The following ADAM22 variants were observed in gnomAD, a reference collection of about 807,000 sequenced individuals.
The protein encoded by ADAM22 is ADAM metallopeptidase domain 22.
Under a neutral mutation model 144.6 loss-of-function variants are expected in ADAM22, and 65 were observed. The observed-to-expected ratio is 0.45, with a 90% CI of 0.37 to 0.55. The LOEUF (loss-of-function observed/expected upper bound fraction) is 0.55, where lower values mean the gene tolerates loss of function less well. Among genes scored for constraint, ADAM22 ranks in the 20% least tolerant of loss-of-function variants. The probability of loss-of-function intolerance (pLI) is 0.00; values close to 1 mark genes in which losing one functional copy is unlikely to be tolerated. For synonymous variants in ADAM22, 391 were observed against 412.6 expected (o/e 0.95, Z 0.63); for missense variants, 974 against 1,184.9 (o/e 0.82, Z 2.61).
intron 1 of ADAM22, 108 bp from the exon 2 acceptor site, chr7:87,934,918 G>A: frequency 1.3e-6 from 2 of 1,488,946 alleles, no homozygotes; most frequent in Non-Finnish European, 1.9e-6. Flanking sequence ...GGGGGCGGTG[G>A]GGATTTTCGT....
rs760008751 is a variant in ADAM22, at chr7:87,934,483, T to TGTGTCCGTGCCC, written c.19_30dup (p.Val7_Pro10dup). 6.2e-7 allele frequency: 1 copy of TGTGTCCGTGCCC among 1,605,080 alleles called. No individual in the cohort carries two copies. The highest frequency in any genetic ancestry group is 1.1e-5 in the South Asian group (1 of 90,184). On this transcript the variant is annotated inframe_insertion, in exon 1 of 32. Transcript: ENST00000413139. ...GCAGCACCATGCAGGCGGCAGTGGC[T>TGTGTCCGTGCCC]GTGTCCGTGCCCTTCTTGCTGCTCT...
chr7:88,045,484 T>C (rs1804396833), intron 3 of ADAM22, among the ~76,000 whole-genome samples: 1 of 152,244 alleles, frequency 6.6e-6, no homozygotes, highest in Non-Finnish European at 1.5e-5. Context: ...ATGTACATAC[T>C]GTGAAATGAT....
In ADAM22 at chr7:88,162,998, C is replaced by T. The variant is rs1167024446; in HGVS notation, c.1908-14C>T. On this transcript the variant is annotated splice_polypyrimidine_tract_variant and intron_variant, in intron 22 of 31. Coordinates refer to ENST00000413139, the MANE Select transcript of ADAM22 (RefSeq NM_001324418.2). ...AATTAATAGATTCATTTTTTGCTCT[C>T]AATTTGTTTTTAGTGGTGGGCATGT... The T allele has an allele frequency of 6.3e-6, 10 of 1,598,634 alleles. No homozygotes were observed. The highest frequency in any genetic ancestry group is 3.6e-5 in the Admixed American group (2 of 55,988).
At chr7:88,052,426 G>T (rs1422721373) in intron 3 of ADAM22, among the ~76,000 whole-genome samples, 1 of 151,868 alleles carries the variant, frequency 6.6e-6, no homozygotes, top group Non-Finnish European at 1.5e-5. Context: ...GGAGAACCCG[G>T]GAGGCGTAAC....
intron 2 of ADAM22, among the ~76,000 whole-genome samples, chr7:87,969,903 GT>G (rs1369739449): frequency 6.6e-6 from 1 of 152,204 alleles, no homozygotes; most frequent in African/African-American, 2.4e-5. Context: ...AACTGTGGGT[GT>G]TACTGAGATG....
chr7:88,196,391 G>A, intron 31 of ADAM22, 80 bp from the exon 32 acceptor site: 2 of 1,512,968 alleles, frequency 1.3e-6, no homozygotes, highest in East Asian at 4.5e-5. Flanking sequence ...TGGAATCACT[G>A]AATCTTTTTC....
chr7:88,069,451 G>A (rs1812170320), intron 3 of ADAM22, among the ~76,000 whole-genome samples: 1 of 152,156 alleles, frequency 6.6e-6, no homozygotes, highest in African/African-American at 2.4e-5. Context: ...TATCACTTCT[G>A]TCTCATATTT....
chr7:87,968,069 G>A (rs1398949074), intron 2 of ADAM22, among the ~76,000 whole-genome samples: 3 of 152,094 alleles, frequency 2.0e-5, no homozygotes, highest in Non-Finnish European at 4.4e-5. Flanking sequence ...AAGAAATAAT[G>A]CAGGAATTTA....
chr7:87,975,520 C>A (rs1234145942), intron 2 of ADAM22, among the ~76,000 whole-genome samples: 1 of 152,150 alleles, frequency 6.6e-6, no homozygotes, highest in Admixed American at 6.6e-5. Context: ...ATAATGCAAA[C>A]ATTCTTACTA....
intron 14 of ADAM22, 140 bp downstream of exon 14, chr7:88,136,171 T>TA (rs1832946836): frequency 3.5e-6 from 2 of 569,790 alleles, no homozygotes; most frequent in South Asian, 1.2e-4. Flanking sequence ...CTCTTATTTA[T>TA]AAAAACAATT....
At chr7:87,985,001 G>A (rs1484145158) in intron 3 of ADAM22, among the ~76,000 whole-genome samples, 1 of 151,200 alleles carries the variant, frequency 6.6e-6, no homozygotes, top group African/African-American at 2.4e-5. Flanking sequence ...TACAATGAAA[G>A]TCTTTTTTTT....
chr7:87,935,928 C>T (rs1841138637), intron 2 of ADAM22, among the ~76,000 whole-genome samples: 1 of 152,188 alleles, frequency 6.6e-6, no homozygotes, highest in Non-Finnish European at 1.5e-5. Flanking sequence ...TAAGTAAATA[C>T]TTCTGGGGCT....
chr7:88,185,888 A>T (rs1261991340), intron 29 of ADAM22: 1 of 152,228 alleles, frequency 6.6e-6, no homozygotes, highest in East Asian at 1.9e-4. Context: ...TTGGTTCCTA[A>T]TGGAAACATG....
chr7:88,090,604 A>C (rs941148140), intron 4 of ADAM22, among the ~76,000 whole-genome samples: 1 of 152,144 alleles, frequency 6.6e-6, no homozygotes. Context: ...AAACATTATT[A>C]TATTTTAATG....
intron 2 of ADAM22, among the ~76,000 whole-genome samples, chr7:87,973,750 A>C (rs1229296721): frequency 1.3e-5 from 2 of 152,224 alleles, no homozygotes; most frequent in Non-Finnish European, 2.9e-5. Flanking sequence ...ATGGAATACT[A>C]TGCAGCCATG....
intron 2 of ADAM22, among the ~76,000 whole-genome samples, chr7:87,937,478 A>T (rs1023305245): frequency 6.6e-6 from 1 of 152,224 alleles, no homozygotes; most frequent in Non-Finnish European, 1.5e-5. Context: ...CAGAAAAAGA[A>T]AATGACAGGA....
At chr7:87,950,491 G>A (rs1304631666) in intron 2 of ADAM22, among the ~76,000 whole-genome samples, 1 of 148,546 alleles carries the variant, frequency 6.7e-6, no homozygotes, top group African/African-American at 2.5e-5. Flanking sequence ...TGGCTGCATA[G>A]TATTCCAGGG....
At chr7:88,004,731 C>A (rs1402765331) in intron 3 of ADAM22, among the ~76,000 whole-genome samples, 1 of 152,142 alleles carries the variant, frequency 6.6e-6, no homozygotes, top group Non-Finnish European at 1.5e-5. Flanking sequence ...TTGGGAAAAC[C>A]TCTGTCATAA....
At chr7:87,956,747 A>T (rs1355442295) in intron 2 of ADAM22, among the ~76,000 whole-genome samples, 2 of 152,120 alleles carry the variant, frequency 1.3e-5, no homozygotes, top group Non-Finnish European at 2.9e-5. Flanking sequence ...AATGTTTTCC[A>T]GTTTCATTCA....
Sources: gnomAD v4.1 joint callset for allele counts (sites outside exome capture counted in the v4.1 genomes callset) on GRCh38, gnomAD v4.1.1 for gene constraint, MANE v1.5 for transcripts, NCBI Gene and HGNC (gene_info 2026-07-23, HGNC 2026-07-21) for gene names.